PRKCH: variants seen among roughly 807,000 people sequenced by gnomAD.
PRKCH encodes the protein protein kinase C eta type.
PRKCH carries 28 observed loss-of-function variants against 82.5 expected under a neutral mutation model. That is an observed-to-expected ratio of 0.34 (90% confidence interval 0.25 to 0.47). The LOEUF (loss-of-function observed/expected upper bound fraction) is 0.47. Among genes scored for constraint, PRKCH ranks in the 20% least tolerant of loss-of-function variants. PRKCH has a pLI of 1.00. For synonymous variants in PRKCH, 322 were observed against 327.4 expected (o/e 0.98, Z 0.18); for missense variants, 705 against 881.8 (o/e 0.80, Z 2.54).
At chr14:61,368,320 G>GAA (rs547107705) in intron 1 of PRKCH, among the ~76,000 whole-genome samples, 1 of 142,874 alleles carries the variant, frequency 7.0e-6, no homozygotes, top group Non-Finnish European at 1.5e-5. Context: ...CTAGTCATGG[G>GAA]AAAAAAAAAA....
chr14:61,479,184 C>CA (rs1025444187), intron 9 of PRKCH, among the ~76,000 whole-genome samples: 1 of 152,198 alleles, frequency 6.6e-6, no homozygotes, highest in African/African-American at 2.4e-5. Context: ...TCCACCCACC[C>CA]AGTCTTTCTC....
intron 1 of PRKCH, among the ~76,000 whole-genome samples, chr14:61,380,383 C>A (rs899884183): frequency 6.7e-6 from 1 of 149,178 alleles, no homozygotes; most frequent in Non-Finnish European, 1.5e-5. Flanking sequence ...TGAGCCACTG[C>A]AGCCAACCCC....
intron 2 of PRKCH, among the ~76,000 whole-genome samples, chr14:61,413,461 T>G (rs1025431412): frequency 2.3e-5 from 3 of 129,756 alleles, no homozygotes; most frequent in African/African-American, 8.7e-5. Flanking sequence ...GTGGCTTAGA[T>G]CCTACTTAAT....
chr14:61,343,256 T>G (rs913497967), intron 1 of PRKCH, among the ~76,000 whole-genome samples: 1 of 150,404 alleles, frequency 6.6e-6, no homozygotes, highest in Non-Finnish European at 1.5e-5. Context: ...TTAATGTAAC[T>G]TCAGTTAAGA....
Position 61,435,143 on chromosome 14 carries a change from A to T in PRKCH, c.428-7968A>T, listed in dbSNP as rs1883614297. On this transcript the variant is annotated intron_variant, in intron 2 of 13. Coordinates refer to ENST00000332981, the MANE Select transcript of PRKCH (RefSeq NM_006255.5). ...TCCTTGAAATTCCCGACAGGAATCGAGCCTCAGTTGCCCACCCTGGAAACC... is the reference window on the plus strand; with the variant it reads ...TCCTTGAAATTCCCGACAGGAATCGTGCCTCAGTTGCCCACCCTGGAAACC... Among the ~76,000 whole-genome samples, 7 of 152,288 alleles carry T rather than the reference A, an allele frequency of 4.6e-5. No individual in the cohort carries two copies. The South Asian group carries it at 1.5e-3, about 32-fold the overall frequency.
chr14:61,212,336 A>G (rs1362460381), intron 1 of PRKCH, among the ~76,000 whole-genome samples: 1 of 152,210 alleles, frequency 6.6e-6, no homozygotes, highest in Non-Finnish European at 1.5e-5. Context: ...GGTTGTAACT[A>G]TGCTATCATT....
At chr14:61,351,208 G>A (rs2046069480) in intron 1 of PRKCH, among the ~76,000 whole-genome samples, 1 of 152,216 alleles carries the variant, frequency 6.6e-6, no homozygotes, top group Non-Finnish European at 1.5e-5. Context: ...CAGGTGTGCT[G>A]ATGCAGAACC....
At chr14:61,369,328 A>G (rs1295103677) in intron 1 of PRKCH, among the ~76,000 whole-genome samples, 1 of 152,140 alleles carries the variant, frequency 6.6e-6, no homozygotes, top group African/African-American at 2.4e-5. Flanking sequence ...TGGGGATCAC[A>G]CTTTGAGAAC....
At chr14:61,320,801 G>C (rs1454612179), upstream of PRKCH, among the ~76,000 whole-genome samples, 2 of 152,234 alleles carry the variant, frequency 1.3e-5, no homozygotes, top group Admixed American at 1.3e-4. Flanking sequence ...ACAAGCTGGA[G>C]TGTTCCTAGA....
chr14:61,325,109 A>G (rs1270906818), intron 1 of PRKCH, among the ~76,000 whole-genome samples: 2 of 152,244 alleles, frequency 1.3e-5, no homozygotes, highest in Non-Finnish European at 2.9e-5. Context: ...GTAGAAATTG[A>G]CAGACTGACT....
At chr14:61,202,788 C>T (rs142700059) in intron 1 of PRKCH, among the ~76,000 whole-genome samples, 226 of 152,196 alleles carry the variant, frequency 1.5e-3, no homozygotes, top group African/African-American at 3.5e-3. Context: ...CTTATCCTCA[C>T]GCCCTCCTCC....
chr14:61,199,547 G>A (rs2044463911), intron 1 of PRKCH, among the ~76,000 whole-genome samples: 1 of 152,018 alleles, frequency 6.6e-6, no homozygotes, highest in African/African-American at 2.4e-5. Context: ...GAAAGTGAAT[G>A]TTATGGATTT....
At chr14:61,343,979 G>T (rs1594930997) in intron 1 of PRKCH, among the ~76,000 whole-genome samples, 1 of 152,120 alleles carries the variant, frequency 6.6e-6, no homozygotes, top group South Asian at 2.1e-4. Context: ...TCTTTTGGAC[G>T]ATGACTTCCT....
At position 61,280,630 on chromosome 14, in the gene PRKCH, G is replaced by A. The variant is rs1473617172; in HGVS notation, c.-19+92962G>A. The A allele has an allele frequency of 6.3e-7, 1 of 1,577,036 alleles. No homozygotes were observed. The highest frequency in any genetic ancestry group is 8.6e-7 in the Non-Finnish European group (1 of 1,161,880). On this transcript the variant is annotated intron_variant, in intron 1 of 3. Coordinates refer to the PRKCH transcript ENST00000555185. This position sits in a 1 kb window ranked among gnomAD's most constrained non-coding sequence, Gnocchi z 5.0. ...CTGGCGCTGGTGCCAAAGCGAGAAGGAGTCGTTGAAGAGGCTGTTGGCGAT... is the reference window on the plus strand; with the variant it reads ...CTGGCGCTGGTGCCAAAGCGAGAAGAAGTCGTTGAAGAGGCTGTTGGCGAT...
At chr14:61,418,952 C>A (rs1038650132) in intron 2 of PRKCH, among the ~76,000 whole-genome samples, 4 of 152,206 alleles carry the variant, frequency 2.6e-5, no homozygotes, top group African/African-American at 9.7e-5. Flanking sequence ...CCCGTGGCTT[C>A]CTATCAAGAG....
chr14:61,267,454 G>A (rs1001701287), intron 1 of PRKCH, among the ~76,000 whole-genome samples: 1 of 152,156 alleles, frequency 6.6e-6, no homozygotes, highest in Non-Finnish European at 1.5e-5. Flanking sequence ...GGCTTCAGAC[G>A]AACTACATGT....
At chr14:61,344,652 G>T (rs994976508) in intron 1 of PRKCH, among the ~76,000 whole-genome samples, 1 of 152,098 alleles carries the variant, frequency 6.6e-6, no homozygotes, top group Non-Finnish European at 1.5e-5. Flanking sequence ...TGACACTTGG[G>T]TCTGTAGTCA....
intron 1 of PRKCH, among the ~76,000 whole-genome samples, chr14:61,355,317 G>A (rs566127911): frequency 6.7e-6 from 1 of 149,650 alleles, no homozygotes; most frequent in Non-Finnish European, 1.5e-5. Flanking sequence ...TTGACATGTT[G>A]GTTATCTTTG....
At chr14:61,223,625 A>C (rs1422834707) in intron 1 of PRKCH, among the ~76,000 whole-genome samples, 3 of 152,124 alleles carry the variant, frequency 2.0e-5, no homozygotes, top group African/African-American at 7.2e-5. Context: ...CTCTGCATTT[A>C]TTTATTAGGA....
Sources: allele counts gnomAD v4.1 joint callset (sites outside exome capture counted in the v4.1 genomes callset), GRCh38; gene constraint gnomAD v4.1.1; non-coding constraint Gnocchi (gnomAD v3.1); transcripts MANE v1.5; gene names NCBI Gene and HGNC (gene_info 2026-07-23, HGNC 2026-07-21).